Variants in KCNT2 observed in about 807,000 individuals in gnomAD.
The protein encoded by KCNT2 is potassium sodium-activated channel subfamily T member 2, also known as potassium channel subfamily T member 2.
Under a neutral mutation model 153.8 loss-of-function variants are expected in KCNT2, and 67 were observed. The observed-to-expected ratio is 0.44, with a 90% CI of 0.36 to 0.53. The LOEUF is 0.53. Among genes scored for constraint, KCNT2 ranks in the 20% least tolerant of loss-of-function variants. The probability of loss-of-function intolerance (pLI) is 0.00; values close to 1 mark genes in which losing one functional copy is unlikely to be tolerated. For synonymous variants in KCNT2, 500 were observed against 458.8 expected (o/e 1.09, Z -1.15); for missense variants, 975 against 1,354.8 (o/e 0.72, Z 4.40).
At chr1:196,354,872 T>C (rs73065849) in intron 14 of KCNT2, among the ~76,000 whole-genome samples, 1,944 of 151,898 alleles carry the variant, frequency 0.013, 42 homozygotes, top group African/African-American at 0.045. Context: ...ATTACATTAT[T>C]TCACAATTAT....
At chr1:196,514,758 C>A (rs1321403070) in intron 1 of KCNT2, among the ~76,000 whole-genome samples, 1 of 151,720 alleles carries the variant, frequency 6.6e-6, no homozygotes, top group East Asian at 1.9e-4. Context: ...TGATTTATTT[C>A]TATTTTTTGA....
intron 10 of KCNT2, among the ~76,000 whole-genome samples, chr1:196,427,662 AAAGTCCC>A (rs1673773080): frequency 6.6e-6 from 1 of 152,098 alleles, no homozygotes; most frequent in Non-Finnish European, 1.5e-5. Context: ...GAAAAAAATG[AAAGTCCC>A]AGACTTCCAC....
chr1:196,347,427 G>C (rs138682425), intron 14 of KCNT2, among the ~76,000 whole-genome samples: 17 of 152,108 alleles, frequency 1.1e-4, no homozygotes, highest in Admixed American at 2.0e-4. Flanking sequence ...TATCACCCAG[G>C]TGTGATTTGT....
chr1:196,494,315 C>G (rs996099861), intron 1 of KCNT2, among the ~76,000 whole-genome samples: 2 of 152,132 alleles, frequency 1.3e-5, no homozygotes, highest in African/African-American at 2.4e-5. Flanking sequence ...TGCAGATTTG[C>G]TTCCTAGAAT....
At chr1:196,446,941 C>T (rs771063296) in intron 8 of KCNT2, among the ~76,000 whole-genome samples, 1 of 151,494 alleles carries the variant, frequency 6.6e-6, no homozygotes, top group Non-Finnish European at 1.5e-5. Context: ...AAATGTAGAT[C>T]TATAAAGTTT....
intron 8 of KCNT2, among the ~76,000 whole-genome samples, chr1:196,445,220 G>T (rs1675584979): frequency 6.6e-6 from 1 of 151,340 alleles, no homozygotes; most frequent in African/African-American, 2.4e-5. Context: ...CAAGAAGTTA[G>T]TAAGATTAAC....
intron 1 of KCNT2, among the ~76,000 whole-genome samples, chr1:196,576,639 T>C (rs1261550517): frequency 6.6e-6 from 1 of 152,154 alleles, no homozygotes; most frequent in African/African-American, 2.4e-5. Context: ...TGCCAATATG[T>C]TCCTCAATAT....
chr1:196,598,800 T>C (rs1330261136), intron 1 of KCNT2, among the ~76,000 whole-genome samples: 1 of 152,224 alleles, frequency 6.6e-6, no homozygotes, highest in Non-Finnish European at 1.5e-5. Context: ...AGAATTGGTA[T>C]AAAGATTAAA....
chr1:196,439,046 G>A (rs1010966985), intron 8 of KCNT2, among the ~76,000 whole-genome samples: 5 of 151,452 alleles, frequency 3.3e-5, no homozygotes, highest in African/African-American at 7.3e-5. Context: ...GATAAATCTC[G>A]CCATTCACAT....
intron 8 of KCNT2, among the ~76,000 whole-genome samples, chr1:196,444,728 G>A (rs1675541184): frequency 6.6e-6 from 1 of 151,278 alleles, no homozygotes; most frequent in African/African-American, 2.4e-5. Context: ...GCATTACCCT[G>A]AAGACTCTAA....
At chr1:196,573,660 C>G (rs375204362) in intron 1 of KCNT2, among the ~76,000 whole-genome samples, 1 of 150,596 alleles carries the variant, frequency 6.6e-6, no homozygotes, top group African/African-American at 2.4e-5. Context: ...AAGAAAGAGA[C>G]GGAAGGAGGA....
rs1229516999 is a variant in KCNT2, at chr1:196,312,981, G to A, written c.2483+2911C>T. On this transcript the variant is annotated intron_variant, in intron 21 of 27. Coordinates refer to ENST00000294725, the MANE Select transcript of KCNT2 (RefSeq NM_198503.5). ...AATTTCATGCAAGGTGGTGGGTAGA[G>A]AACCTAAAAGGAGAGAAAACTGGGA... is the stretch of plus-strand genomic sequence containing the variant. Among the ~76,000 whole-genome samples the A allele has an allele frequency of 1.2e-4, 18 of 151,648 alleles. No individual in the cohort carries two copies. In the Admixed American group the frequency reaches 1.2e-3, roughly 10 times the overall value.
intron 8 of KCNT2, among the ~76,000 whole-genome samples, chr1:196,461,287 A>C (rs957217543): frequency 1.3e-5 from 2 of 151,748 alleles, no homozygotes; most frequent in Non-Finnish European, 3.0e-5. Context: ...TAACATGATC[A>C]TATTTTTAAA....
At chr1:196,547,912 A>G (rs1159505398) in intron 1 of KCNT2, among the ~76,000 whole-genome samples, 1 of 151,908 alleles carries the variant, frequency 6.6e-6, no homozygotes, top group Non-Finnish European at 1.5e-5. Flanking sequence ...TATTTCAGAT[A>G]TAAATCAGCT....
At chr1:196,429,977 A>C (rs1206096613) in intron 8 of KCNT2, among the ~76,000 whole-genome samples, 1 of 152,124 alleles carries the variant, frequency 6.6e-6, no homozygotes, top group African/African-American at 2.4e-5. Flanking sequence ...GTGGTAGCTA[A>C]AATATCACAC....
At chr1:196,275,051 A>G (rs952309985) in intron 25 of KCNT2, among the ~76,000 whole-genome samples, 7 of 151,908 alleles carry the variant, frequency 4.6e-5, no homozygotes, top group African/African-American at 1.7e-4. Flanking sequence ...TTCACTCTCA[A>G]TGGAATAAGT....
At chr1:196,549,104 T>G (rs1228879946) in intron 1 of KCNT2, among the ~76,000 whole-genome samples, 1 of 152,066 alleles carries the variant, frequency 6.6e-6, no homozygotes, top group Non-Finnish European at 1.5e-5. Flanking sequence ...TGTATACATA[T>G]GTAACTAACC....
At chr1:196,434,594 T>C (rs1674454119) in intron 8 of KCNT2, among the ~76,000 whole-genome samples, 1 of 151,984 alleles carries the variant, frequency 6.6e-6, no homozygotes, top group African/African-American at 2.4e-5. Flanking sequence ...GTTTGATAGA[T>C]TATTATAATA....
chr1:196,388,161 C>G (rs540910297), intron 13 of KCNT2, among the ~76,000 whole-genome samples: 1 of 151,770 alleles, frequency 6.6e-6, no homozygotes, highest in African/African-American at 2.4e-5. Context: ...CCTGAACTAT[C>G]TGTTGAAGAT....
Sources: gnomAD v4.1 joint callset for allele counts (sites outside exome capture counted in the v4.1 genomes callset) on GRCh38, gnomAD v4.1.1 for gene constraint, MANE v1.5 for transcripts, NCBI Gene and HGNC (gene_info 2026-07-23, HGNC 2026-07-21) for gene names.